Variants in SMIM35 observed in about 807,000 individuals in gnomAD.
SMIM35 encodes TMPRSS4 antisense RNA 1 (non-protein coding).
At chr11:118,012,184 T>A (rs2058153851) in intron 4 of SMIM35, among the ~76,000 whole-genome samples, 1 of 152,230 alleles carries the variant, frequency 6.6e-6, no homozygotes, top group Non-Finnish European at 1.5e-5. Flanking sequence ...CTGTTCTAAC[T>A]GCAGGTTTCA....
intron 4 of SMIM35, among the ~76,000 whole-genome samples, chr11:118,011,648 C>T (rs1450852907): frequency 6.6e-6 from 1 of 152,056 alleles, no homozygotes; most frequent in Non-Finnish European, 1.5e-5. Context: ...GCCAAGATCC[C>T]GCCACTGCAC....
chr11:118,026,778 A>G (rs1224684965), intron 1 of SMIM35, among the ~76,000 whole-genome samples: 1 of 152,122 alleles, frequency 6.6e-6, no homozygotes, highest in Non-Finnish European at 1.5e-5. Context: ...GACCAGCCTG[A>G]GCAACACAGT....
chr11:118,025,146 C>T (rs1330521532), intron 1 of SMIM35, among the ~76,000 whole-genome samples: 1 of 152,190 alleles, frequency 6.6e-6, no homozygotes, highest in South Asian at 2.1e-4. Flanking sequence ...ATATGTACCA[C>T]ATTTTCTTCA....
chr11:118,048,958 A>AAAAAAAAAAAAAAAAAAAAAAAC (rs1487759200), intron 1 of SMIM35, among the ~76,000 whole-genome samples: 1 of 151,328 alleles, frequency 6.6e-6, no homozygotes, highest in African/African-American at 2.4e-5. Flanking sequence ...AAAAAAAAAA[A>AAAAAAAAAAAAAAAAAAAAAAAC]AAAAAAGCAA....
In SMIM35 at chr11:118,076,108, A is replaced by AAAT. The variant is rs539541201; in HGVS notation, c.7+10640_7+10642dup. Among the ~76,000 whole-genome samples, 387 of 152,284 alleles carry AAAT rather than the reference A, an allele frequency of 2.5e-3. 2 individuals are homozygous for AAAT. Among genetic ancestry groups the AAAT allele is most frequent in the African/African-American group, 9.1e-3 (377 of 41,550 alleles). On this transcript the variant is annotated intron_variant, in intron 1 of 4. Transcript: ENST00000689828. Reference sequence around the variant, plus strand: ...CATGGCAAAACCCCATCTCTACTAAAAATACAAATTAGCCAGGCATGGTGG... The same window carrying AAAT: ...CATGGCAAAACCCCATCTCTACTAAAAATAATACAAATTAGCCAGGCATGGTGG...
At chr11:118,023,956 C>G (rs1475554737) in intron 1 of SMIM35, among the ~76,000 whole-genome samples, 1 of 151,104 alleles carries the variant, frequency 6.6e-6, no homozygotes, top group African/African-American at 2.4e-5. Context: ...AATGCTTGAA[C>G]CTGGGTGGTG....
intron 1 of SMIM35, among the ~76,000 whole-genome samples, chr11:118,054,153 G>T (rs1467580450): frequency 3.1e-5 from 4 of 130,562 alleles, no homozygotes; most frequent in Non-Finnish European, 4.9e-5. Context: ...GGGGGTTTTT[G>T]GGATTTTTTT....
At chr11:118,082,590 G>A (rs1945230542) in intron 1 of SMIM35, among the ~76,000 whole-genome samples, 2 of 137,286 alleles carry the variant, frequency 1.5e-5, no homozygotes, top group Non-Finnish European at 3.2e-5. Context: ...AAGAAATTGA[G>A]GCTCAAAGAG....
At chr11:118,068,524 G>A (rs746198673) in intron 1 of SMIM35, among the ~76,000 whole-genome samples, 32 of 152,156 alleles carry the variant, frequency 2.1e-4, no homozygotes, top group African/African-American at 7.2e-4. Flanking sequence ...TTACAGAGAC[G>A]GGGGTGAGGC....
intron 1 of SMIM35, among the ~76,000 whole-genome samples, chr11:118,049,278 A>T (rs1361150580): frequency 2.6e-5 from 4 of 151,596 alleles, no homozygotes; most frequent in Non-Finnish European, 5.9e-5. Flanking sequence ...TGGGGACCCC[A>T]GAACCGTCTG....
intron 1 of SMIM35, among the ~76,000 whole-genome samples, chr11:118,026,121 C>G (rs1424069374): frequency 6.6e-6 from 1 of 152,182 alleles, no homozygotes; most frequent in Non-Finnish European, 1.5e-5. Flanking sequence ...AGCTTTATTT[C>G]TGGGTTCTCT....
At chr11:118,048,594 G>GAAGGAAGC (rs1944147370) in intron 1 of SMIM35, among the ~76,000 whole-genome samples, 3 of 129,922 alleles carry the variant, frequency 2.3e-5, no homozygotes, top group South Asian at 2.5e-4. Context: ...AGGAAGGAAG[G>GAAGGAAGC]AAGCAAGGAA....
intron 1 of SMIM35, among the ~76,000 whole-genome samples, chr11:118,063,124 G>T (rs1018202772): frequency 3.3e-5 from 5 of 151,744 alleles, no homozygotes; most frequent in African/African-American, 1.2e-4. Flanking sequence ...ATATCATCAA[G>T]AAATAACCAT....
chr11:118,035,846 G>A (rs2058355564), intron 1 of SMIM35, among the ~76,000 whole-genome samples: 1 of 152,126 alleles, frequency 6.6e-6, no homozygotes, highest in African/African-American at 2.4e-5. Context: ...ACTTCTGGAT[G>A]GATATAGGGA....
intron 1 of SMIM35, among the ~76,000 whole-genome samples, chr11:118,072,133 T>A (rs655157): frequency 8.6e-5 from 13 of 152,026 alleles, no homozygotes; most frequent in Non-Finnish European, 1.9e-4. Flanking sequence ...GGTGGATGGA[T>A]GGCCAGGCAC....
At chr11:118,045,822 A>G (rs1176654597) in intron 1 of SMIM35, among the ~76,000 whole-genome samples, 1 of 152,212 alleles carries the variant, frequency 6.6e-6, no homozygotes, top group Non-Finnish European at 1.5e-5. Flanking sequence ...TTAACTCTTG[A>G]CCATCGGGAT....
chr11:118,084,949 A>T (rs1195983412), intron 1 of SMIM35, among the ~76,000 whole-genome samples: 1 of 152,194 alleles, frequency 6.6e-6, no homozygotes, highest in South Asian at 2.1e-4. Context: ...TGATCAAGGC[A>T]GCTGAGACCC....
chr11:118,021,603 A>G (rs7107472), intron 1 of SMIM35, among the ~76,000 whole-genome samples: 2,056 of 152,308 alleles, frequency 0.013, 45 homozygotes, highest in African/African-American at 0.048. Flanking sequence ...GAAAATAAAG[A>G]TATACCATAT....
chr11:118,023,646 C>T (rs2058249852), intron 1 of SMIM35, among the ~76,000 whole-genome samples: 1 of 151,886 alleles, frequency 6.6e-6, no homozygotes, highest in Non-Finnish European at 1.5e-5. Context: ...ATTAACAGCA[C>T]ACTAGGCATC....
Sources: allele counts gnomAD v4.1 joint callset (sites outside exome capture counted in the v4.1 genomes callset), GRCh38; gene constraint gnomAD v4.1.1; transcripts MANE v1.5; gene names NCBI Gene and HGNC (gene_info 2026-07-23, HGNC 2026-07-21).